TOX: variants seen among roughly 807,000 people sequenced by gnomAD.
TOX encodes the protein thymocyte selection associated high mobility group box, also known as thymocyte selection-associated high mobility group box protein TOX.
In TOX, 11 loss-of-function variants were observed where a neutral mutation model predicts 53.7. That is an observed-to-expected ratio of 0.20 (90% confidence interval 0.13 to 0.34). The LOEUF (loss-of-function observed/expected upper bound fraction) is 0.34, where lower values mean the gene tolerates loss of function less well. Ranked by LOEUF, TOX falls within the 10% of genes least tolerant of loss-of-function variation. The pLI, the probability that TOX is intolerant of heterozygous loss-of-function variation, is 1.00. For missense variants in TOX, 570 were observed against 664.6 expected (o/e 0.86, Z 1.56); for synonymous variants, 225 against 245.3 (o/e 0.92, Z 0.77).
intron 1 of TOX, among the ~76,000 whole-genome samples, chr8:59,083,823 A>G (rs1804458231): frequency 6.6e-6 from 1 of 152,162 alleles, no homozygotes; most frequent in Admixed American, 6.6e-5. Context: ...TCCTTTCACA[A>G]TTTTTGCTGG....
At chr8:58,866,823 T>C (rs1258360458) in intron 3 of TOX, among the ~76,000 whole-genome samples, 2 of 152,202 alleles carry the variant, frequency 1.3e-5, no homozygotes, top group Non-Finnish European at 2.9e-5. Flanking sequence ...ACTTTGCTTA[T>C]GGGTAAAACG....
chr8:58,984,649 G>A (rs532618370), intron 1 of TOX, among the ~76,000 whole-genome samples: 2 of 152,236 alleles, frequency 1.3e-5, no homozygotes, highest in South Asian at 2.1e-4. Context: ...TGGGTGTGGT[G>A]GCGGGCGTCT....
intron 4 of TOX, among the ~76,000 whole-genome samples, chr8:58,844,132 TACTTG>T (rs1044248854): frequency 3.3e-5 from 5 of 152,132 alleles, no homozygotes; most frequent in African/African-American, 1.2e-4. Context: ...TTTCTGAGAG[TACTTG>T]ACTTTTAAAG....
rs549861710 is a variant in TOX at position 59,035,439 on chromosome 8, A to G, written c.103-75431T>C. ...AACACAGTGGCTAGTCACAGAGGCAATCACAGCTCACTGCAGCCTCCAACT... is the reference window on the plus strand; with the variant it reads ...AACACAGTGGCTAGTCACAGAGGCAGTCACAGCTCACTGCAGCCTCCAACT... On this transcript the variant is annotated intron_variant, in intron 1 of 8. Coordinates refer to ENST00000361421, the MANE Select transcript of TOX (RefSeq NM_014729.3). Among the ~76,000 whole-genome samples the G allele has an allele frequency of 2.6e-5, 4 of 152,292 alleles. No individual in the cohort carries two copies. The East Asian group carries it at 5.8e-4, about 22-fold the overall frequency.
intron 7 of TOX, among the ~76,000 whole-genome samples, chr8:58,808,654 GCAA>G (rs1016963600): frequency 1.3e-5 from 2 of 152,210 alleles, no homozygotes; most frequent in African/African-American, 4.8e-5. Context: ...CCCAGAATAT[GCAA>G]CAGAATCTTT....
chr8:58,858,171 G>T (rs1000391382), intron 3 of TOX, among the ~76,000 whole-genome samples: 7 of 151,938 alleles, frequency 4.6e-5, no homozygotes, highest in African/African-American at 1.7e-4. Flanking sequence ...AACTGGAATG[G>T]TGAAAAAAAA....
chr8:58,945,994 T>C (rs1293792210), intron 2 of TOX, among the ~76,000 whole-genome samples: 1 of 151,968 alleles, frequency 6.6e-6, no homozygotes, highest in Non-Finnish European at 1.5e-5. Context: ...TTAAATTATG[T>C]GATGGATTCA....
At position 58,994,423 on chromosome 8, in the gene TOX, C is replaced by T. The variant is rs10107677; in HGVS notation, c.103-34415G>A. Among the ~76,000 whole-genome samples, 961 of 119,724 alleles carry T rather than the reference C, an allele frequency of 8.0e-3. 7 individuals are homozygous for T. The highest frequency in any genetic ancestry group is 0.011 in the Non-Finnish European group (543 of 50,820). The allele number at this position is 119,724 out of a possible 152,430, so 78.5% of individuals were successfully genotyped here. A position where few individuals can be genotyped will look rare whatever the true frequency, so the allele number is the denominator to read the frequency against. ...GTGTGTGTGTGTGTGTGTGTGTGCGCGCGCGCATGTGTGTGTATTTTTTTT... is the reference window on the plus strand; with the variant it reads ...GTGTGTGTGTGTGTGTGTGTGTGCGTGCGCGCATGTGTGTGTATTTTTTTT... On this transcript the variant is annotated intron_variant, in intron 1 of 8. Transcript: ENST00000361421.
chr8:58,871,675 G>A (rs1478265083), intron 3 of TOX, among the ~76,000 whole-genome samples: 1 of 152,142 alleles, frequency 6.6e-6, no homozygotes, highest in East Asian at 1.9e-4. Flanking sequence ...ATGGCAGATG[G>A]TGGAATGGAA....
chr8:58,970,741 A>G (rs1288965630), intron 1 of TOX, among the ~76,000 whole-genome samples: 1 of 152,256 alleles, frequency 6.6e-6, no homozygotes, highest in East Asian at 1.9e-4. Flanking sequence ...AGCACTTAGC[A>G]TAGGCTTAGC....
chr8:58,888,954 T>C (rs1811516300), intron 3 of TOX, among the ~76,000 whole-genome samples: 1 of 151,964 alleles, frequency 6.6e-6, no homozygotes, highest in Non-Finnish European at 1.5e-5. Context: ...GGCTCTTAAA[T>C]ATATAAAAAA....
chr8:58,864,944 G>A (rs1162395629), intron 3 of TOX, among the ~76,000 whole-genome samples: 1 of 152,154 alleles, frequency 6.6e-6, no homozygotes, highest in African/African-American at 2.4e-5. Flanking sequence ...AACAGTGAAA[G>A]ACTAAATGGA....
chr8:58,833,752 C>G (rs552990231), intron 5 of TOX, among the ~76,000 whole-genome samples: 2 of 152,268 alleles, frequency 1.3e-5, no homozygotes, highest in South Asian at 4.1e-4. Context: ...TTTAAAACCC[C>G]CGGTTGGAAT....
intron 1 of TOX, among the ~76,000 whole-genome samples, chr8:58,960,466 CATA>C (rs780557836): frequency 2.2e-4 from 33 of 152,150 alleles, no homozygotes. Context: ...GCAGAGTTTT[CATA>C]ATAGACTAAA....
At chr8:58,951,436 C>T (rs541955177) in intron 2 of TOX, among the ~76,000 whole-genome samples, 39 of 152,164 alleles carry the variant, frequency 2.6e-4, no homozygotes, top group African/African-American at 8.9e-4. Flanking sequence ...AATTTATCAT[C>T]ATCTTTCAAA....
chr8:58,841,632 T>C (rs544454703), intron 4 of TOX, among the ~76,000 whole-genome samples: 1 of 152,256 alleles, frequency 6.6e-6, no homozygotes, highest in East Asian at 1.9e-4. Flanking sequence ...ACACTTGAAA[T>C]TTGTTAAGAG....
intron 4 of TOX, among the ~76,000 whole-genome samples, chr8:58,844,074 C>T (rs537512239): frequency 2.6e-5 from 4 of 152,242 alleles, no homozygotes; most frequent in East Asian, 1.9e-4. Context: ...TGTCTGGATC[C>T]GGACTTCTTG....
intron 3 of TOX, among the ~76,000 whole-genome samples, chr8:58,896,968 TTTTA>T (rs1193897865): frequency 6.6e-6 from 1 of 152,242 alleles, no homozygotes; most frequent in Non-Finnish European, 1.5e-5. Context: ...TTCTTTAGTC[TTTTA>T]TTTGTCAGGT....
chr8:58,942,762 T>C (rs559205200), intron 2 of TOX, among the ~76,000 whole-genome samples: 2 of 152,360 alleles, frequency 1.3e-5, no homozygotes, highest in East Asian at 1.9e-4. Flanking sequence ...GGGGATGTTA[T>C]ACAATAGAAT....
Sources: gnomAD v4.1 joint callset for allele counts (sites outside exome capture counted in the v4.1 genomes callset) on GRCh38, gnomAD v4.1.1 for gene constraint, MANE v1.5 for transcripts, NCBI Gene and HGNC (gene_info 2026-07-23, HGNC 2026-07-21) for gene names.